The following MACROH2A2 variants were observed in gnomAD, a reference collection of about 807,000 sequenced individuals.
The protein encoded by MACROH2A2 is macroH2A.2 histone.
MACROH2A2 carries 6 observed loss-of-function variants against 37.6 expected under a neutral mutation model. The ratio of observed to expected loss-of-function variants is 0.16; its 90% CI spans 0.09 to 0.32. The LOEUF is 0.32. Among genes scored for constraint, MACROH2A2 ranks in the 10% least tolerant of loss-of-function variants. The probability of loss-of-function intolerance (pLI) is 1.00; values close to 1 mark genes in which losing one functional copy is unlikely to be tolerated. For synonymous variants in MACROH2A2, 192 were observed against 202.7 expected (o/e 0.95, Z 0.45); for missense variants, 290 against 485.9 (o/e 0.60, Z 3.79).
chr10:70,058,905 C>T (rs1200125346), intron 1 of MACROH2A2, among the ~76,000 whole-genome samples: 1 of 152,038 alleles, frequency 6.6e-6, no homozygotes. Flanking sequence ...GTCCCCCCAC[C>T]ACCCCGCCAA....
chr10:70,085,562 G>T (rs1191735794), intron 2 of MACROH2A2, among the ~76,000 whole-genome samples: 2 of 152,182 alleles, frequency 1.3e-5, no homozygotes, highest in African/African-American at 4.8e-5. Context: ...CTGTGGGCTG[G>T]AATATCCACT....
chr10:70,111,496 CTCT>C lies in MACROH2A2; in HGVS notation c.954-17_954-15del, dbSNP rs777334753. The C allele has an allele frequency of 6.2e-7, 1 of 1,607,792 alleles. No individual in the cohort carries two copies. The highest frequency in any genetic ancestry group is 1.1e-5 in the South Asian group (1 of 90,364). On this transcript the variant is annotated intron_variant, in intron 8 of 8. Transcript: ENST00000373255. ...GTCCCAGGGACCAAAATGACATCGGCTCTTCTTTTGCTTTGGCACAGAAACTGC... is the reference window on the plus strand; with the variant it reads ...GTCCCAGGGACCAAAATGACATCGGCTCTTTTGCTTTGGCACAGAAACTGC...
chr10:70,095,384 A>G (rs1160574818), intron 5 of MACROH2A2, among the ~76,000 whole-genome samples: 2 of 151,038 alleles, frequency 1.3e-5, no homozygotes, highest in Non-Finnish European at 3.0e-5. Context: ...AAAAAAAAAA[A>G]GAGAGGGGAG....
chr10:70,091,885 C>A lies in MACROH2A2; in HGVS notation c.408C>A (p.Gly136=). ...TILSPPPEKR[G]RKATSGKKGG... ...TCTCCCCACCCCCAGAGAAAAGAGG[C>A]AGGAAGGCCACGTCAGGCAAGAAGG... The change falls in exon 4 of 9, where the codon GGC becomes GGA. Residue 136 remains glycine, a synonymous_variant. Transcript: ENST00000373255. The A allele has an allele frequency of 1.9e-6, 3 of 1,614,008 alleles. No homozygotes were observed. The Middle Eastern group carries it at 5.0e-4, about 267-fold the overall frequency.
chr10:70,071,817 A>G (rs1002364634), intron 1 of MACROH2A2, among the ~76,000 whole-genome samples: 1 of 152,248 alleles, frequency 6.6e-6, no homozygotes, highest in Non-Finnish European at 1.5e-5. Context: ...TGTAAACAGC[A>G]GTACACATGT....
At chr10:70,097,836 C>T (rs979932095) in intron 6 of MACROH2A2, among the ~76,000 whole-genome samples, 1 of 152,180 alleles carries the variant, frequency 6.6e-6, no homozygotes, top group Non-Finnish European at 1.5e-5. Context: ...AAGCCAGGCA[C>T]AGTGGCACAC....
At chr10:70,065,827 T>C (rs768730313) in intron 1 of MACROH2A2, among the ~76,000 whole-genome samples, 2 of 151,928 alleles carry the variant, frequency 1.3e-5, no homozygotes, top group African/African-American at 2.4e-5. Flanking sequence ...AAAGACATAA[T>C]AGAAAAAAAA....
chr10:70,079,565 GCACA>G (rs56247035), intron 2 of MACROH2A2, among the ~76,000 whole-genome samples: 2,717 of 126,220 alleles, frequency 0.022, 99 homozygotes, highest in East Asian at 0.15. Flanking sequence ...GCGCGCGCGC[GCACA>G]CACACACACA....
rs563618810 is a variant in MACROH2A2 at position 70,083,501 on chromosome 10, T to C, written c.173-6559T>C. On this transcript the variant is annotated intron_variant, in intron 2 of 8. Transcript: ENST00000373255. The stretch of plus-strand genomic sequence containing the variant: ...CCTGTCAGGTTTATGTCTGTGGTTT[T>C]TGAAGGCCCTCTCTTCCACACACTG... Among the ~76,000 whole-genome samples, 190 of 152,172 alleles carry C rather than the reference T, an allele frequency of 1.2e-3. 2 individuals are homozygous for C. Among genetic ancestry groups the C allele is most frequent in the African/African-American group, 4.3e-3 (180 of 41,512 alleles).
At position 70,111,938 on chromosome 10, in the gene MACROH2A2, C is replaced by T. The variant is rs1214919818; in HGVS notation, c.*255C>T. On this transcript the variant is annotated 3_prime_UTR_variant, in exon 9 of 9. Transcript: ENST00000373255. Reference sequence around the variant, plus strand: ...TTTAGAACTTTTTTAAAAAAACAGACCTCGTTTTAGATTTATAGCATTGAC... The same window carrying T: ...TTTAGAACTTTTTTAAAAAAACAGATCTCGTTTTAGATTTATAGCATTGAC... The T allele has an allele frequency of 6.4e-6, 2 of 314,312 alleles. No homozygotes were observed. The highest frequency in any genetic ancestry group is 9.9e-5 in the Admixed American group (2 of 20,136). The allele number at this position is 314,312 out of a possible 1,614,324, so 19.5% of individuals were successfully genotyped here.
chr10:70,075,828 C>T lies in MACROH2A2; in HGVS notation c.170C>T (p.Ala57Val). 1 of 1,612,170 alleles carries T rather than the reference C, an allele frequency of 6.2e-7. No homozygotes were observed. Among genetic ancestry groups the T allele is most frequent in the Non-Finnish European group, 8.5e-7 (1 of 1,179,362 alleles). The change falls in exon 2 of 9, where the codon GCA (alanine) becomes GTA (valine). Residue 57 changes from alanine (A) to valine (V), a missense_variant and splice_region_variant. Around this residue, in one of 3 missense-constraint regions of MACROH2A2, gnomAD observed 83 missense variants for 159.9 expected, o/e 0.52. Transcript: ENST00000373255. This position sits in a 1 kb window ranked among gnomAD's most constrained non-coding sequence, Gnocchi z 5.0. ...VYMAAVIEYL[A>V]AEILELAGNA... Reference sequence around the variant, plus strand: ...ATGGCGGCAGTCATTGAGTACCTGGCAGGTAATGAGGACACGCAAAGGAGG... The same window carrying T: ...ATGGCGGCAGTCATTGAGTACCTGGTAGGTAATGAGGACACGCAAAGGAGG...
chr10:70,069,840 T>G (rs1464386038), intron 1 of MACROH2A2, among the ~76,000 whole-genome samples: 1 of 151,750 alleles, frequency 6.6e-6, no homozygotes, highest in Non-Finnish European at 1.5e-5. Context: ...ACTCCTGACT[T>G]CCCAAGACGG....
intron 7 of MACROH2A2, among the ~76,000 whole-genome samples, chr10:70,102,176 G>A (rs896292238): frequency 6.6e-6 from 1 of 152,228 alleles, no homozygotes; most frequent in African/African-American, 2.4e-5. Context: ...AGGGGAGCGT[G>A]GGAGGACTGC....
intron 1 of MACROH2A2, among the ~76,000 whole-genome samples, chr10:70,057,094 T>C (rs1451650274): frequency 1.3e-5 from 2 of 152,166 alleles, no homozygotes; most frequent in Non-Finnish European, 2.9e-5. Context: ...AAGAGACCTT[T>C]TGAAACAAAA....
At chr10:70,111,388 G>T in intron 8 of MACROH2A2, 130 bp from the exon 9 acceptor site, 2 of 768,858 alleles carry the variant, frequency 2.6e-6, no homozygotes, top group Non-Finnish European at 2.1e-6. Context: ...TTTGGCTAGG[G>T]TCAAAGGAGA....
intron 2 of MACROH2A2, among the ~76,000 whole-genome samples, chr10:70,084,644 C>T (rs2072200217): frequency 1.3e-5 from 2 of 152,202 alleles, no homozygotes; most frequent in South Asian, 4.2e-4. Flanking sequence ...TTTTGTTGCC[C>T]AGGCTGGAGT....
At chr10:70,066,114 G>A (rs2136619162) in intron 1 of MACROH2A2, among the ~76,000 whole-genome samples, 1 of 152,192 alleles carries the variant, frequency 6.6e-6, no homozygotes, top group East Asian at 1.9e-4. Flanking sequence ...ACAGGCGGGG[G>A]GATCACTTGA....
chr10:70,069,044 G>A (rs555265154), intron 1 of MACROH2A2, among the ~76,000 whole-genome samples: 10 of 152,158 alleles, frequency 6.6e-5, no homozygotes, highest in Admixed American at 2.0e-4. Flanking sequence ...AAAAATAAAA[G>A]TGCATCATAA....
intron 2 of MACROH2A2, among the ~76,000 whole-genome samples, chr10:70,083,218 G>T (rs1390983690): frequency 1.3e-5 from 2 of 152,312 alleles, no homozygotes; most frequent in East Asian, 3.9e-4. Context: ...AACAAGGGCT[G>T]CTGGGGACTG....
Sources: allele counts gnomAD v4.1 joint callset (sites outside exome capture counted in the v4.1 genomes callset), GRCh38; gene constraint gnomAD v4.1.1; regional missense constraint gnomAD v4.1.1; non-coding constraint Gnocchi (gnomAD v3.1); transcripts MANE v1.5; gene names NCBI Gene and HGNC (gene_info 2026-07-23, HGNC 2026-07-21).